MPP1: variants seen among roughly 807,000 people sequenced by gnomAD.
The protein encoded by MPP1 is 55 kDa erythrocyte membrane protein.
MPP1 carries 6 observed loss-of-function variants against 38.2 expected under a neutral mutation model. The ratio of observed to expected loss-of-function variants is 0.16; its 90% CI spans 0.09 to 0.31. MPP1 has a LOEUF of 0.31. Ranked by LOEUF, MPP1 falls within the 10% of genes least tolerant of loss-of-function variation. MPP1 has a pLI of 1.00. For synonymous variants in MPP1, 153 were observed against 146.3 expected, an observed-to-expected ratio of 1.05 and a Z score of -0.33; for missense variants, 293 against 368.9, an observed-to-expected ratio of 0.79 and a Z score of 1.69.
intron 1 of MPP1, among the ~76,000 whole-genome samples, chrX:154,798,531 A>G (rs975341464): frequency 2.6e-4 from 29 of 112,149 alleles, no homozygotes; most frequent in African/African-American, 8.4e-4. Flanking sequence ...ATCACATACT[A>G]TATGATTCCA....
intron 9 of MPP1, chrX:154,782,563 C>T (rs2072021433): frequency 8.9e-6 from 1 of 112,307 alleles, no homozygotes; most frequent in Admixed American, 9.4e-5. Flanking sequence ...TCTCAATGAT[C>T]CATGTGTAAA....
At chrX:154,781,380 A>AC in intron 10 of MPP1, 67 bp from the exon 11 acceptor site, 1 of 907,382 alleles carries the variant, frequency 1.1e-6, no homozygotes, top group Non-Finnish European at 1.6e-6. Flanking sequence ...AAAAAAAAAA[A>AC]CCTACATAGC....
intron 1 of MPP1, among the ~76,000 whole-genome samples, chrX:154,792,732 G>C (rs1391490115): frequency 1.8e-5 from 2 of 110,643 alleles, no homozygotes; most frequent in African/African-American, 6.6e-5. Flanking sequence ...GTATTTCCTT[G>C]AACAACCTGA....
At chrX:154,790,306 C>T (rs5945114) in intron 4 of MPP1, among the ~76,000 whole-genome samples, 20,134 of 110,264 alleles carry the variant, frequency 0.18, 1,495 homozygotes, top group African/African-American at 0.23. Flanking sequence ...CTGAGGTGGG[C>T]GCATCGTCTG....
chrX:154,802,837 C>A (rs1027979075), intron 1 of MPP1, among the ~76,000 whole-genome samples: 1 of 112,354 alleles, frequency 8.9e-6, no homozygotes, highest in African/African-American at 3.2e-5. Flanking sequence ...GAATCGGTAG[C>A]CTTTTTCCAT....
chrX:154,791,889 C>G, intron 2 of MPP1, 42 bp from the exon 3 acceptor site: 1 of 1,120,298 alleles, frequency 8.9e-7, no homozygotes, highest in Non-Finnish European at 1.2e-6. Flanking sequence ...ATTTTAAGCT[C>G]TTTCTGAGGT....
At chrX:154,805,247 C>T in intron 1 of MPP1, 25 bp downstream of exon 1, 1 of 1,178,336 alleles carries the variant, frequency 8.5e-7, no homozygotes, top group Non-Finnish European at 1.1e-6. Context: ...GCCCAGCGCC[C>T]TTGGGACTAG....
intron 1 of MPP1, among the ~76,000 whole-genome samples, chrX:154,800,500 A>C (rs2072250424): frequency 8.9e-6 from 1 of 111,846 alleles, no homozygotes; most frequent in Non-Finnish European, 1.9e-5. Context: ...ACTGGGGAAA[A>C]AAAACAACAG....
At chrX:154,802,909 C>A (rs2072282607) in intron 1 of MPP1, among the ~76,000 whole-genome samples, 1 of 112,282 alleles carries the variant, frequency 8.9e-6, no homozygotes, top group South Asian at 3.6e-4. Flanking sequence ...TTGAAGCCAA[C>A]AACTTCCTCA....
intron 1 of MPP1, among the ~76,000 whole-genome samples, chrX:154,800,600 G>A (rs1426102373): frequency 2.7e-5 from 3 of 112,504 alleles, no homozygotes; most frequent in South Asian, 3.7e-4. Context: ...AACCAGTGCC[G>A]GAGCTGTGTG....
chrX:154,790,036 T>C lies in MPP1; in HGVS notation c.412-14A>G, dbSNP rs369287816. ...TTTGGTTTCTTTCTATTAAAAAAAA[T>C]GGACATAAAATTGTACAGAAAACTA... On this transcript the variant is annotated splice_polypyrimidine_tract_variant and intron_variant, in intron 4 of 11. Transcript: ENST00000369534. The C allele has an allele frequency of 2.7e-6, 3 of 1,116,717 alleles. No individual in the cohort carries two copies. The African/African-American group carries it at 5.5e-5, about 20-fold the overall frequency. The allele number at this position is 1,116,717 out of a possible 1,213,427, so 92.0% of individuals were successfully genotyped here. A position where few individuals can be genotyped will look rare whatever the true frequency, so the allele number is the denominator to read the frequency against.
At chrX:154,784,745 G>A in intron 7 of MPP1, 1 of 361,573 alleles carries the variant, frequency 2.8e-6, no homozygotes, top group East Asian at 5.8e-5. Flanking sequence ...ACCTGGCCCT[G>A]GCCTCTCCCT....
intron 1 of MPP1, among the ~76,000 whole-genome samples, chrX:154,801,487 G>A (rs782118464): frequency 4.1e-4 from 45 of 110,797 alleles, no homozygotes; most frequent in Middle Eastern, 4.6e-3. Context: ...GGCCCAGGGC[G>A]CTGGATCATA....
Position 154,781,280 on chromosome X carries a change from G to A in MPP1, c.1183C>T (p.Pro395Ser). 8.3e-7 allele frequency: 1 copy of A among 1,207,963 alleles called. No homozygotes were observed. The highest frequency in any genetic ancestry group is 1.1e-6 in the Non-Finnish European group (1 of 894,306). Residue 395 changes from proline (P) to serine (S), a missense_variant, in exon 11 of 12, where the codon CCT (proline) becomes TCT (serine). Coordinates refer to ENST00000369534, the MANE Select transcript of MPP1 (RefSeq NM_002436.4). Reference protein sequence around the residue: ...LKIVRTAELSPFIVFIAPTDQ... With the variant: ...LKIVRTAELSSFIVFIAPTDQ... ...GTAGGTGCAATGAACACAATGAAAG[G>A]CGAAAGTTCTGCTGTCCGAACAATT...
intron 1 of MPP1, among the ~76,000 whole-genome samples, chrX:154,801,041 G>A (rs895495438): frequency 1.8e-5 from 2 of 112,165 alleles, no homozygotes; most frequent in African/African-American, 6.5e-5. Flanking sequence ...TGGAAATATG[G>A]CTATTTAGTC....
intron 1 of MPP1, among the ~76,000 whole-genome samples, chrX:154,800,641 C>T (rs2072251862): frequency 8.9e-6 from 1 of 112,716 alleles, no homozygotes; most frequent in Non-Finnish European, 1.9e-5. Flanking sequence ...ATCAAATGCT[C>T]ATCCCCATTC....
Position 154,781,244 on chromosome X carries a change from T to A in MPP1, c.1219A>T (p.Thr407Ser), listed in dbSNP as rs2071990692. Residue 407 changes from threonine (T) to serine (S), a missense_variant, in exon 11 of 12, where the codon ACT becomes TCT. Coordinates refer to ENST00000369534, the MANE Select transcript of MPP1 (RefSeq NM_002436.4). ...IVFIAPTDQGTQTEALQQLQK... is the reference protein window; with the variant it reads ...IVFIAPTDQGSQTEALQQLQK... Reference sequence around the variant, plus strand: ...CGCGCACAACCTCTCCTCACCTGAGTGCCCTGGTCAGTAGGTGCAATGAAC... The same window carrying A: ...CGCGCACAACCTCTCCTCACCTGAGAGCCCTGGTCAGTAGGTGCAATGAAC... 8.3e-7 allele frequency: 1 copy of A among 1,203,340 alleles called. No homozygotes were observed. The highest frequency in any genetic ancestry group is 1.8e-5 in the African/African-American group (1 of 55,830).
intron 9 of MPP1, 99 bp from the exon 10 acceptor site, chrX:154,781,901 G>T: frequency 2.4e-6 from 2 of 838,297 alleles, no homozygotes; most frequent in Non-Finnish European, 3.4e-6. Context: ...GCTGCCTTTG[G>T]TGCATTGACT....
intron 4 of MPP1, among the ~76,000 whole-genome samples, 164 bp downstream of exon 4, chrX:154,790,819 G>A (rs782224481): frequency 8.9e-6 from 1 of 112,005 alleles, no homozygotes; most frequent in South Asian, 3.7e-4. Context: ...ACTAAATAAA[G>A]GCAGAAAATT....
Sources: gnomAD v4.1 joint callset for allele counts (sites outside exome capture counted in the v4.1 genomes callset) on GRCh38, gnomAD v4.1.1 for gene constraint, MANE v1.5 for transcripts, NCBI Gene and HGNC (gene_info 2026-07-23, HGNC 2026-07-21) for gene names.